PALLD: variants seen among roughly 807,000 people sequenced by gnomAD.
PALLD encodes palladin.
Under a neutral mutation model 123.5 loss-of-function variants are expected in PALLD, and 61 were observed. The ratio of observed to expected loss-of-function variants is 0.49; its 90% CI spans 0.40 to 0.61. PALLD has a LOEUF of 0.61. Among genes scored for constraint, PALLD ranks in the 20% least tolerant of loss-of-function variants. The probability of loss-of-function intolerance (pLI) is 0.00; values close to 1 mark genes in which losing one functional copy is unlikely to be tolerated. For synonymous variants in PALLD, 465 were observed against 496.4 expected, an observed-to-expected ratio of 0.94 and a Z score of 0.84; for missense variants, 1,273 against 1,377.0, an observed-to-expected ratio of 0.92 and a Z score of 1.20.
intron 2 of PALLD, among the ~76,000 whole-genome samples, chr4:168,566,505 C>A (rs575739607): frequency 6.6e-6 from 1 of 152,086 alleles, no homozygotes; most frequent in Admixed American, 6.5e-5. Context: ...CCTATGCTGC[C>A]CAGGCTGGTC....
chr4:168,631,534 C>A, intron 2 of PALLD: 1 of 831,840 alleles, frequency 1.2e-6, no homozygotes, highest in Non-Finnish European at 1.5e-6. Context: ...CATTCCTCCC[C>A]AGGACACACC....
chr4:168,561,267 T>C (rs1464743328), intron 2 of PALLD, among the ~76,000 whole-genome samples: 3 of 151,778 alleles, frequency 2.0e-5, no homozygotes, highest in African/African-American at 7.3e-5. Flanking sequence ...TTTTTTTTTC[T>C]CTCTCTCTTT....
intron 2 of PALLD, among the ~76,000 whole-genome samples, chr4:168,529,336 C>T (rs958935036): frequency 6.0e-5 from 9 of 149,228 alleles, no homozygotes; most frequent in African/African-American, 2.2e-4. Context: ...AACTCTGTCT[C>T]GAGAAAAAAA....
Position 168,631,648 on chromosome 4 carries a change from C to T in PALLD, c.909-36542C>T, listed in dbSNP as rs894150723. ...GCGCTGGAGACCGGCGGCCTCTCAC[C>T]GAGCCTGAGTCGTGGCCGCTGCGCC... On this transcript the variant is annotated intron_variant, in intron 2 of 21. Transcript: ENST00000505667. The T allele has an allele frequency of 5.1e-6, 5 of 985,418 alleles. No individual in the cohort carries two copies. The African/African-American group carries it at 8.7e-5, about 17-fold the overall frequency. The allele number at this position is 985,418 out of a possible 1,614,324, so 61.0% of individuals were successfully genotyped here. A position where few individuals can be genotyped will look rare whatever the true frequency, so the allele number is the denominator to read the frequency against.
chr4:168,660,261 A>T (rs2149973183), intron 2 of PALLD, among the ~76,000 whole-genome samples: 1 of 152,278 alleles, frequency 6.6e-6, no homozygotes, highest in South Asian at 2.1e-4. Context: ...ATTTGGTCTG[A>T]AGCAGCTGCA....
intron 2 of PALLD, among the ~76,000 whole-genome samples, chr4:168,515,619 G>A (rs1450065574): frequency 6.6e-6 from 1 of 152,202 alleles, no homozygotes. Context: ...CAATGGAAAG[G>A]TCCAGGCTGA....
intron 2 of PALLD, among the ~76,000 whole-genome samples, chr4:168,625,502 G>GATAGATATATATATATATAT: frequency 0.072 from 8,178 of 114,084 alleles, 495 homozygotes; most frequent in Non-Finnish European, 0.091. Context: ...ATATCCAGGA[G>GATAGATATATATATATATAT]ATATATATAT....
intron 10 of PALLD, among the ~76,000 whole-genome samples, chr4:168,824,027 T>C (rs1743083033): frequency 6.6e-6 from 1 of 152,224 alleles, no homozygotes; most frequent in African/African-American, 2.4e-5. Flanking sequence ...GGAATAATAA[T>C]GTTGCCACCT....
At chr4:168,907,622 A>G (rs1301941745) in intron 15 of PALLD, among the ~76,000 whole-genome samples, 6 of 152,272 alleles carry the variant, frequency 3.9e-5, no homozygotes, top group African/African-American at 9.6e-5. Flanking sequence ...GCCCCAAAAG[A>G]GAGTGGTTAC....
chr4:168,758,447 C>A (rs1222003150), intron 10 of PALLD, among the ~76,000 whole-genome samples: 1 of 152,184 alleles, frequency 6.6e-6, no homozygotes, highest in African/African-American at 2.4e-5. Context: ...GGCAGCCCTT[C>A]TAAAGAATCC....
At chr4:168,573,178 C>T (rs1769174791) in intron 2 of PALLD, among the ~76,000 whole-genome samples, 1 of 151,730 alleles carries the variant, frequency 6.6e-6, no homozygotes, top group East Asian at 2.0e-4. Context: ...GCCTGGAGTG[C>T]TCTTTTTCCT....
At chr4:168,590,737 A>G (rs944957608) in intron 2 of PALLD, among the ~76,000 whole-genome samples, 4 of 152,152 alleles carry the variant, frequency 2.6e-5, no homozygotes, top group African/African-American at 9.7e-5. Context: ...GATCTTGGTA[A>G]TAACTGACCT....
intron 10 of PALLD, among the ~76,000 whole-genome samples, chr4:168,818,382 G>T (rs1742264923): frequency 6.6e-6 from 1 of 152,126 alleles, no homozygotes; most frequent in Admixed American, 6.5e-5. Flanking sequence ...AGGATCACTT[G>T]AGCCCAGGAG....
rs751216977 is a variant in PALLD, at chr4:168,511,920, A to G, written c.416A>G (p.Lys139Arg). ...CCCAGCTACATCCGGAGCCTCCGAA[A>G]GGCTGAAAAGCGTGGTGCAAAAACT... is the stretch of plus-strand genomic sequence containing the variant. ...TRPSYIRSLRKAEKRGAKTPS... is the reference protein window; with the variant it reads ...TRPSYIRSLRRAEKRGAKTPS... The change falls in exon 2 of 22, where the codon AAG becomes AGG. Residue 139 changes from lysine (K) to arginine (R), a missense_variant. Transcript: ENST00000505667. 2.4e-5 allele frequency: 39 copies of G among 1,614,236 alleles called. No homozygotes were observed. The South Asian group carries it at 4.2e-4, about 17-fold the overall frequency.
At position 168,541,122 on chromosome 4, in the gene PALLD, G is replaced by A. The variant is rs77652258; in HGVS notation, c.908+28710G>A. Among the ~76,000 whole-genome samples the A allele has an allele frequency of 2.6e-3, 391 of 152,318 alleles. 1 individual carries two copies. Among genetic ancestry groups the A allele is most frequent in the African/African-American group, 8.9e-3 (371 of 41,556 alleles). On this transcript the variant is annotated intron_variant, in intron 2 of 21. Transcript: ENST00000505667. ...ATGGAAAATGTGGCACAAACACATT[G>A]TCATATTTACGCAGATATGTTGACT...
At chr4:168,562,103 A>C (rs917440277) in intron 2 of PALLD, among the ~76,000 whole-genome samples, 1 of 152,022 alleles carries the variant, frequency 6.6e-6, no homozygotes, top group Non-Finnish European at 1.5e-5. Flanking sequence ...AGGATAAAAA[A>C]AAAAAAGGAA....
intron 10 of PALLD, among the ~76,000 whole-genome samples, chr4:168,856,298 G>A (rs1233530889): frequency 6.6e-6 from 1 of 152,164 alleles, no homozygotes; most frequent in Non-Finnish European, 1.5e-5. Flanking sequence ...AGTGCTATGA[G>A]GAGCAAGTGT....
chr4:168,744,564 C>G (rs1323069736), intron 10 of PALLD, among the ~76,000 whole-genome samples: 1 of 152,192 alleles, frequency 6.6e-6, no homozygotes, highest in African/African-American at 2.4e-5. Flanking sequence ...CCTCAGGGGT[C>G]ACCTGGTCCA....
At chr4:168,770,145 A>G (rs537283663) in intron 10 of PALLD, among the ~76,000 whole-genome samples, 1 of 152,338 alleles carries the variant, frequency 6.6e-6, no homozygotes, top group South Asian at 2.1e-4. Flanking sequence ...AATTATAATG[A>G]TTTCTTTCTA....
Sources: allele counts gnomAD v4.1 joint callset (sites outside exome capture counted in the v4.1 genomes callset), GRCh38; gene constraint gnomAD v4.1.1; transcripts MANE v1.5; gene names NCBI Gene and HGNC (gene_info 2026-07-23, HGNC 2026-07-21).